UNC13C: variants seen among roughly 807,000 people sequenced by gnomAD.
The protein encoded by UNC13C is unc-13 homolog C.
A neutral mutation model predicts 245.4 loss-of-function variants in UNC13C; 174 were observed. The observed-to-expected ratio is 0.71, with a 90% CI of 0.63 to 0.80. The LOEUF (loss-of-function observed/expected upper bound fraction) is 0.80. UNC13C is among the 30% of genes least tolerant of loss of function. UNC13C has a pLI of 0.00. For synonymous variants in UNC13C, 992 were observed against 895.1 expected, an observed-to-expected ratio of 1.11 and a Z score of -1.93; for missense variants, 2,829 against 2,602.9, an observed-to-expected ratio of 1.09 and a Z score of -1.89.
At position 54,013,575 on chromosome 15, in the gene UNC13C, T is replaced by C; in HGVS notation, c.672T>C (p.Asn224=). ...LDRTVRNPKT[N]ALEPGFSSSG... ...GAACTGTCCGAAACCCAAAGACAAA[T>C]GCCCTGGAGCCAGGGTTCAGTTCCT... Residue 224 remains asparagine (N), a synonymous_variant, in exon 2 of 33, where the codon AAT becomes AAC. Coordinates refer to ENST00000260323, the MANE Select transcript of UNC13C (RefSeq NM_001080534.3). 2 of 1,613,658 alleles carry C rather than the reference T, an allele frequency of 1.2e-6. No individual in the cohort carries two copies. Among genetic ancestry groups the C allele is most frequent in the Non-Finnish European group, 1.7e-6 (2 of 1,179,774 alleles).
the UNC13C span, among the ~76,000 whole-genome samples, chr15:53,969,597 G>A: frequency 6.6e-6 from 1 of 151,492 alleles, no homozygotes; most frequent in Non-Finnish European, 1.5e-5. Flanking sequence ...GAGGCAGGAG[G>A]GTTGCTTGAG....
chr15:54,002,114 G>A lies in UNC13C; in HGVS notation c.-256-10534G>A, dbSNP rs149687450. On this transcript the variant is annotated intron_variant, in intron 1 of 32. Coordinates refer to ENST00000260323, the MANE Select transcript of UNC13C (RefSeq NM_001080534.3). ...ATCCTGGCTAACACGGTGAAACACC[G>A]CCTCTACTAAAATTACAAAAATATT... Among the ~76,000 whole-genome samples the A allele has an allele frequency of 4.2e-3, 636 of 152,192 alleles. 6 individuals carry two copies. The highest frequency in any genetic ancestry group is 0.015 in the African/African-American group (621 of 41,520).
chr15:54,373,290 G>T (rs2039532954), intron 17 of UNC13C, among the ~76,000 whole-genome samples: 2 of 152,162 alleles, frequency 1.3e-5, no homozygotes, highest in African/African-American at 4.8e-5. Context: ...AGAAAACTTT[G>T]TGGCCAGTGG....
intron 19 of UNC13C, among the ~76,000 whole-genome samples, chr15:54,451,940 T>C (rs1891201253): frequency 1.3e-5 from 2 of 152,246 alleles, no homozygotes; most frequent in African/African-American, 2.4e-5. Context: ...ACTGAATGTG[T>C]ATCTGTGATT....
intron 4 of UNC13C, among the ~76,000 whole-genome samples, chr15:54,155,080 C>T (rs886534684): frequency 6.6e-6 from 1 of 152,122 alleles, no homozygotes; most frequent in African/African-American, 2.4e-5. Flanking sequence ...AATATAGTAC[C>T]TGTATCAGTT....
chr15:54,056,473 T>C (rs1341001717), intron 2 of UNC13C, among the ~76,000 whole-genome samples: 2 of 152,078 alleles, frequency 1.3e-5, no homozygotes, highest in Non-Finnish European at 2.9e-5. Flanking sequence ...AAAGACCAAA[T>C]CTACATCTAA....
chr15:54,236,359 T>C, intron 5 of UNC13C, 71 bp from the exon 6 acceptor site: 2 of 1,217,624 alleles, frequency 1.6e-6, no homozygotes, highest in South Asian at 1.3e-5. Flanking sequence ...TTAACATTGT[T>C]ATACTCTTTT....
chr15:54,359,494 T>C (rs1314004404), intron 17 of UNC13C, among the ~76,000 whole-genome samples: 1 of 151,844 alleles, frequency 6.6e-6, no homozygotes, highest in Non-Finnish European at 1.5e-5. Flanking sequence ...GATGGGAGAG[T>C]CTATTATTGC....
the UNC13C span, among the ~76,000 whole-genome samples, chr15:53,958,839 T>C: frequency 6.6e-6 from 1 of 152,150 alleles, no homozygotes; most frequent in Non-Finnish European, 1.5e-5. Flanking sequence ...TTTTCAAATA[T>C]ACAATCGATT....
At chr15:54,172,755 T>A (rs1179425169) in intron 4 of UNC13C, among the ~76,000 whole-genome samples, 7 of 105,334 alleles carry the variant, frequency 6.6e-5, no homozygotes, top group South Asian at 6.2e-4. Context: ...TATATATATA[T>A]ATATATCTTT....
chr15:54,072,458 A>G (rs571092903), intron 2 of UNC13C, among the ~76,000 whole-genome samples: 137 of 152,272 alleles, frequency 9.0e-4, no homozygotes, highest in Non-Finnish European at 1.9e-3. Flanking sequence ...TGCTTCTTCA[A>G]TGGAGCCAAT....
chr15:54,013,943 G>T lies in UNC13C; in HGVS notation c.1040G>T (p.Gly347Val). The T allele has an allele frequency of 1.9e-6, 3 of 1,613,360 alleles. No individual in the cohort carries two copies. The highest frequency in any genetic ancestry group is 1.7e-6 in the Non-Finnish European group (2 of 1,179,736). ...VVYQILIDKM[G>V]FSDAPNAIKI... is the part of the protein sequence containing the mutation. ...TACCAAATTCTAATAGATAAAATGG[G>T]TTTTTCAGATGCACCAAATGCTATT... The change falls in exon 2 of 33, where the codon GGT (glycine) becomes GTT (valine). Residue 347 changes from glycine (G) to valine (V), a missense_variant. Transcript: ENST00000260323.
In UNC13C at chr15:54,015,640, C is replaced by G; in HGVS notation, c.2737C>G (p.Pro913Ala). 6.2e-7 allele frequency: 1 copy of G among 1,613,604 alleles called. No homozygotes were observed. The highest frequency in any genetic ancestry group is 8.5e-7 in the Non-Finnish European group (1 of 1,179,734). Residue 913 changes from proline (P) to alanine (A), a missense_variant, in exon 2 of 33, where the codon CCT becomes GCT. Transcript: ENST00000260323. ...QAYDHLSYET[P>A]YETPQDEGYD... ...ATATGATCACCTTTCATATGAAACA[C>G]CTTATGAAACCCCACAAGATGAGGG...
intron 10 of UNC13C, among the ~76,000 whole-genome samples, chr15:54,277,916 C>T (rs1195727738): frequency 6.6e-6 from 1 of 152,064 alleles, no homozygotes; most frequent in East Asian, 1.9e-4. Context: ...GCACTCCAGG[C>T]GATCTCAGAT....
intron 14 of UNC13C, among the ~76,000 whole-genome samples, chr15:54,322,996 G>T (rs2038203791): frequency 8.2e-6 from 1 of 121,480 alleles, no homozygotes; most frequent in Non-Finnish European, 1.8e-5. Context: ...TGTGAGACAG[G>T]TTTTTTGTTC....
At chr15:53,843,835 A>G in the UNC13C span, among the ~76,000 whole-genome samples, 18 of 152,204 alleles carry the variant, frequency 1.2e-4, no homozygotes, top group African/African-American at 4.3e-4. Flanking sequence ...GAGGAAGTCC[A>G]TGAGATTTGT....
chr15:53,875,688 C>T, the UNC13C span, among the ~76,000 whole-genome samples: 1 of 152,242 alleles, frequency 6.6e-6, no homozygotes, highest in Non-Finnish European at 1.5e-5. Context: ...CCCTTTGTTC[C>T]CTCAAAGCTG....
intron 30 of UNC13C, among the ~76,000 whole-genome samples, chr15:54,600,850 C>G (rs752786536): frequency 6.6e-6 from 1 of 152,028 alleles, no homozygotes; most frequent in Non-Finnish European, 1.5e-5. Flanking sequence ...GCATTGGATA[C>G]GTAAGCCCAT....
chr15:54,401,320 GAT>G (rs1371046863), intron 18 of UNC13C, among the ~76,000 whole-genome samples: 1 of 152,066 alleles, frequency 6.6e-6, no homozygotes, highest in Non-Finnish European at 1.5e-5. Flanking sequence ...TTGTAAAAGA[GAT>G]ATATACGAAA....
Sources: gnomAD v4.1 joint callset for allele counts (sites outside exome capture counted in the v4.1 genomes callset) on GRCh38, gnomAD v4.1.1 for gene constraint, MANE v1.5 for transcripts, NCBI Gene and HGNC (gene_info 2026-07-23, HGNC 2026-07-21) for gene names.